The following NDUFC2 variants were observed in gnomAD, a reference collection of about 807,000 sequenced individuals.
The protein encoded by NDUFC2 is NADH dehydrogenase [ubiquinone] 1 subunit C2.
A neutral mutation model predicts 10.1 loss-of-function variants in NDUFC2; 2 were observed. The observed-to-expected ratio is 0.20, with a 90% CI of 0.08 to 0.62. NDUFC2 has a LOEUF of 0.62. NDUFC2 is among the 20% of genes least tolerant of loss of function. The pLI is 0.87. For synonymous variants in NDUFC2, 61 were observed against 63.6 expected (o/e 0.96, Z 0.20); for missense variants, 156 against 159.6 (o/e 0.98, Z 0.12).
intron 2 of NDUFC2, among the ~76,000 whole-genome samples, chr11:78,070,619 TTGAC>T (rs1858960486): frequency 1.3e-5 from 2 of 152,300 alleles, no homozygotes; most frequent in South Asian, 4.1e-4. Context: ...TTTTCTTTCA[TTGAC>T]TGAAGAATAA....
intron 1 of NDUFC2, among the ~76,000 whole-genome samples, chr11:78,077,634 C>T (rs1265029865): frequency 6.6e-6 from 1 of 152,132 alleles, no homozygotes; most frequent in African/African-American, 2.4e-5. Context: ...TGGCTCGCTG[C>T]AGCCTCAACC....
intron 1 of NDUFC2, 123 bp downstream of exon 1, chr11:78,079,456 A>G (rs779558472): frequency 3.5e-5 from 48 of 1,369,106 alleles, no homozygotes; most frequent in Non-Finnish European, 4.3e-5. Context: ...GAAAGGCGAG[A>G]TGGGGCCAGC....
chr11:78,074,498 A>G (rs1859157591), intron 1 of NDUFC2, among the ~76,000 whole-genome samples: 1 of 151,980 alleles, frequency 6.6e-6, no homozygotes, highest in Non-Finnish European at 1.5e-5. Context: ...CTGTAGTCCC[A>G]GCTACTCAGG....
intron 1 of NDUFC2, among the ~76,000 whole-genome samples, chr11:78,074,378 C>A (rs913770994): frequency 1.3e-5 from 2 of 151,650 alleles, no homozygotes; most frequent in Admixed American, 1.3e-4. Flanking sequence ...TTTGGGAGGC[C>A]GAGGTGGGTG....
At position 78,072,893 on chromosome 11, in the gene NDUFC2, G is replaced by T. The variant is rs534993061; in HGVS notation, c.310+105C>A. 161 of 1,455,232 alleles carry T rather than the reference G, an allele frequency of 1.1e-4. 3 individuals are homozygous for T. The Admixed American group carries it at 4.0e-3, about 36-fold the overall frequency. 90.1% of individuals were successfully genotyped at this position (1,455,232 alleles called of 1,614,324 possible). ...TTGGTCTATAGACTAAGATGTGGGA[G>T]TCAACAGAATTTAGAAGGTATCTAA... On this transcript the variant is annotated intron_variant, in intron 2 of 2. Coordinates refer to ENST00000281031, the MANE Select transcript of NDUFC2 (RefSeq NM_004549.6).
At chr11:78,075,446 T>C (rs1304920972) in intron 1 of NDUFC2, among the ~76,000 whole-genome samples, 2 of 152,242 alleles carry the variant, frequency 1.3e-5, no homozygotes, top group African/African-American at 4.8e-5. Context: ...TGTATGCATG[T>C]ATCAAAATAC....
At position 78,069,831 on chromosome 11, in the gene NDUFC2, T is replaced by C. The variant is rs1335268284; in HGVS notation, c.*156A>G. The C allele has an allele frequency of 5.3e-6, 8 of 1,499,184 alleles. No individual in the cohort carries two copies. Among genetic ancestry groups the C allele is most frequent in the Non-Finnish European group, 7.3e-6 (8 of 1,100,496 alleles). The allele number at this position is 1,499,184 out of a possible 1,614,324, so 92.9% of individuals were successfully genotyped here. Reference sequence around the variant, plus strand: ...TTCTCTGATGATGAACTATTTTTCTTACAACAATAAAGAGTCAGAGTACTC... The same window carrying C: ...TTCTCTGATGATGAACTATTTTTCTCACAACAATAAAGAGTCAGAGTACTC... On this transcript the variant is annotated 3_prime_UTR_variant, in exon 3 of 3. Transcript: ENST00000281031.
rs147195113 is a variant in NDUFC2, at chr11:78,079,693, G to A, written c.52C>T (p.Arg18Trp). The A allele has an allele frequency of 4.3e-6, 7 of 1,609,908 alleles. No individual in the cohort carries two copies. In the African/African-American group the frequency reaches 5.4e-5, roughly 12 times the overall value. ...EPLRFLPDEA[R>W]SLPPPKLTDP... Reference sequence around the variant, plus strand: ...GTCAGCTTGGGCGGGGGCAGGCTCCGGGCCTCATCCGGCAGAAACCGTAAG... The same window carrying A: ...GTCAGCTTGGGCGGGGGCAGGCTCCAGGCCTCATCCGGCAGAAACCGTAAG... The change falls in exon 1 of 3, where the codon CGG becomes TGG. Residue 18 changes from arginine to tryptophan, a missense_variant. Arg to Trp is a moderately radical substitution (Grantham distance 101, BLOSUM62 -3). Transcript: ENST00000281031.
chr11:78,074,474 G>A (rs867972802), intron 1 of NDUFC2, among the ~76,000 whole-genome samples: 3 of 151,940 alleles, frequency 2.0e-5, no homozygotes, highest in African/African-American at 4.8e-5. Context: ...TTAGCCGGGC[G>A]TGGTAGCACG....
chr11:78,073,252 G>A, intron 1 of NDUFC2, 111 bp from the exon 2 acceptor site: 1 of 1,537,842 alleles, frequency 6.5e-7, no homozygotes, highest in Non-Finnish European at 8.8e-7. Flanking sequence ...AGCACTTTGG[G>A]AGGCCAAGAC....
chr11:78,070,148 C>G, intron 2 of NDUFC2, 112 bp from the exon 3 acceptor site: 1 of 758,624 alleles, frequency 1.3e-6, no homozygotes, highest in Admixed American at 2.7e-5. Flanking sequence ...CTGCTGTGGT[C>G]TGAATGTTCA....
In NDUFC2 at chr11:78,078,728, C is replaced by CTTTTTTTTTTT. The variant is rs71046953; in HGVS notation, c.166+840_166+850dup. On this transcript the variant is annotated intron_variant, in intron 1 of 2. Coordinates refer to ENST00000281031, the MANE Select transcript of NDUFC2 (RefSeq NM_004549.6). ...CCCAGACCTCATGAATCAGGATCCG[C>CTTTTTTTTTTT]TTTTTTTTTTTTTTTGAGACAGGGT... 8.6e-3 allele frequency among the ~76,000 whole-genome samples: 530 copies of CTTTTTTTTTTT among 61,566 alleles called. 125 individuals carry two copies. Among genetic ancestry groups the CTTTTTTTTTTT allele is most frequent in the African/African-American group, 0.023 (372 of 15,994 alleles). The allele number at this position is 61,566 out of a possible 152,430, so 40.4% of individuals were successfully genotyped here. A position where few individuals can be genotyped will look rare whatever the true frequency, so the allele number is the denominator to read the frequency against.
intron 2 of NDUFC2, among the ~76,000 whole-genome samples, chr11:78,071,579 T>C (rs1823732347): frequency 6.6e-6 from 1 of 152,182 alleles, no homozygotes; most frequent in African/African-American, 2.4e-5. Flanking sequence ...AAAAAAACTG[T>C]CGTAGTAGTT....
At chr11:78,078,798 T>A (rs1859368289) in intron 1 of NDUFC2, among the ~76,000 whole-genome samples, 1 of 140,696 alleles carries the variant, frequency 7.1e-6, no homozygotes, top group East Asian at 2.2e-4. Flanking sequence ...CAATCTCGGC[T>A]TACTGCAACC....
At chr11:78,078,743 TGAGACAGGGTCTCAC>T (rs1859363654) in intron 1 of NDUFC2, among the ~76,000 whole-genome samples, 43 of 142,942 alleles carry the variant, frequency 3.0e-4, no homozygotes, top group Non-Finnish European at 3.2e-4. Flanking sequence ...TTTTTTTTTT[TGAGACAGGGTCTCAC>T]TTTGTTGCAC....
At chr11:78,078,125 A>C (rs1218720486) in intron 1 of NDUFC2, among the ~76,000 whole-genome samples, 1 of 152,214 alleles carries the variant, frequency 6.6e-6, no homozygotes, top group Non-Finnish European at 1.5e-5. Context: ...CAAAAGAGGT[A>C]CAAGTGTGGT....
chr11:78,077,789 C>T (rs1673264036), intron 1 of NDUFC2, among the ~76,000 whole-genome samples: 1 of 152,180 alleles, frequency 6.6e-6, no homozygotes, highest in Middle Eastern at 3.2e-3. Context: ...AACTCCTGGC[C>T]TCAAGAGATG....
intron 1 of NDUFC2, 93 bp from the exon 2 acceptor site, chr11:78,073,234 G>A: frequency 6.3e-7 from 1 of 1,582,592 alleles, no homozygotes; most frequent in Admixed American, 1.9e-5. Flanking sequence ...GCTCACACCT[G>A]TAATCCCAGC....
At position 78,069,759 on chromosome 11, in the gene NDUFC2, T is replaced by G; in HGVS notation, c.*228A>C. The G allele has an allele frequency of 9.8e-7, 1 of 1,017,020 alleles. No individual in the cohort carries two copies. Among genetic ancestry groups the G allele is most frequent in the South Asian group, 1.6e-5 (1 of 63,538 alleles). 63.0% of individuals were successfully genotyped at this position (1,017,020 alleles called of 1,614,324 possible). On this transcript the variant is annotated 3_prime_UTR_variant, in exon 3 of 3. Transcript: ENST00000281031. ...TAGTCTGCTAACTCTAAACTAGAATTCAACCTCATCTTAAAATCTTTCAGA... is the reference window on the plus strand; with the variant it reads ...TAGTCTGCTAACTCTAAACTAGAATGCAACCTCATCTTAAAATCTTTCAGA...
Sources: allele counts gnomAD v4.1 joint callset (sites outside exome capture counted in the v4.1 genomes callset), GRCh38; gene constraint gnomAD v4.1.1; transcripts MANE v1.5; gene names NCBI Gene and HGNC (gene_info 2026-07-23, HGNC 2026-07-21).